Variants in PARN observed in about 807,000 individuals in gnomAD.
The protein encoded by PARN is poly(A)-specific ribonuclease.
PARN carries 71 observed loss-of-function variants against 102.8 expected under a neutral mutation model. That is an observed-to-expected ratio of 0.69 (90% CI 0.57 to 0.84). The LOEUF is 0.84. Among genes scored for constraint, PARN ranks in the 40% least tolerant of loss-of-function variants. PARN has a pLI of 0.00. For missense variants in PARN, 782 were observed against 760.9 expected, an observed-to-expected ratio of 1.03 and a Z score of -0.33; for synonymous variants, 261 against 252.9, an observed-to-expected ratio of 1.03 and a Z score of -0.30.
At chr16:14,544,963 G>A (rs1966871647) in intron 21 of PARN, among the ~76,000 whole-genome samples, 1 of 152,182 alleles carries the variant, frequency 6.6e-6, no homozygotes, top group African/African-American at 2.4e-5. Flanking sequence ...GAGGTGGGAG[G>A]ATTGCTTGAG....
chr16:14,538,551 A>C (rs528484848), intron 21 of PARN, among the ~76,000 whole-genome samples: 2 of 152,194 alleles, frequency 1.3e-5, no homozygotes, highest in Admixed American at 1.3e-4. Context: ...AGATTGATGT[A>C]CTTCAAATTT....
At chr16:14,550,883 G>A (rs943644850) in intron 21 of PARN, among the ~76,000 whole-genome samples, 8 of 151,800 alleles carry the variant, frequency 5.3e-5, no homozygotes, top group Admixed American at 1.3e-4. Flanking sequence ...AAAACAAAAC[G>A]TTTAATTGAT....
chr16:14,530,360 C>G (rs998957051), intron 21 of PARN, among the ~76,000 whole-genome samples: 1 of 152,154 alleles, frequency 6.6e-6, no homozygotes, highest in African/African-American at 2.4e-5. Context: ...ACACCCGCCA[C>G]AGTGCTTTGC....
At chr16:14,613,895 T>G (rs1250171260) in intron 6 of PARN, among the ~76,000 whole-genome samples, 3 of 152,116 alleles carry the variant, frequency 2.0e-5, no homozygotes, top group African/African-American at 7.2e-5. Context: ...GTCAACAGAT[T>G]GCTGAAATAG....
chr16:14,458,900 A>G (rs1199688516), intron 22 of PARN, among the ~76,000 whole-genome samples: 1 of 152,140 alleles, frequency 6.6e-6, no homozygotes, highest in Non-Finnish European at 1.5e-5. Flanking sequence ...AGGCGAAATG[A>G]GCTGACGAAA....
At chr16:14,622,500 T>C (rs958134000) in intron 5 of PARN, among the ~76,000 whole-genome samples, 1 of 152,134 alleles carries the variant, frequency 6.6e-6, no homozygotes, top group Non-Finnish European at 1.5e-5. Context: ...AATGTGAAAT[T>C]AGGATTCCAT....
intron 22 of PARN, among the ~76,000 whole-genome samples, chr16:14,470,075 T>A (rs946742330): frequency 1.3e-5 from 2 of 152,310 alleles, no homozygotes; most frequent in African/African-American, 2.4e-5. Context: ...GGTTATAACA[T>A]GAAGGTATAG....
intron 5 of PARN, among the ~76,000 whole-genome samples, chr16:14,618,461 T>C (rs1204666091): frequency 3.4e-5 from 5 of 145,934 alleles, no homozygotes; most frequent in African/African-American, 1.3e-4. Context: ...GCCACTGCAC[T>C]CCAGCCTGGG....
intron 22 of PARN, among the ~76,000 whole-genome samples, chr16:14,470,746 A>G (rs1369569201): frequency 6.6e-6 from 1 of 152,172 alleles, no homozygotes; most frequent in Non-Finnish European, 1.5e-5. Flanking sequence ...GGCATGAGGC[A>G]TCTGGCCTGG....
In PARN at chr16:14,599,840, T is replaced by G. The variant is rs1361083374; in HGVS notation, c.840+64A>C. ...AGATGAAATGATTAATCTGCAATGA[T>G]AATTAGATACTTCACCTGAAATAGT... On this transcript the variant is annotated intron_variant, in intron 12 of 23. Coordinates refer to ENST00000437198, the MANE Select transcript of PARN (RefSeq NM_002582.4). 7.4e-6 allele frequency: 7 copies of G among 949,856 alleles called. No individual in the cohort carries two copies. In the Admixed American group the frequency reaches 1.4e-4, roughly 20 times the overall value. The allele number at this position is 949,856 out of a possible 1,614,324, so 58.8% of individuals were successfully genotyped here. A position where few individuals can be genotyped will look rare whatever the true frequency, so the allele number is the denominator to read the frequency against.
At chr16:14,539,133 A>G (rs1317742235) in intron 21 of PARN, among the ~76,000 whole-genome samples, 1 of 152,226 alleles carries the variant, frequency 6.6e-6, no homozygotes. Flanking sequence ...TCCCAAAACC[A>G]TTCCCTACCC....
chr16:14,593,480 G>A (rs1319257549), intron 12 of PARN, 102 bp from the exon 13 acceptor site: 11 of 128,370 alleles, frequency 8.6e-5, no homozygotes, highest in Non-Finnish European at 1.3e-4. Flanking sequence ...TACTAAACTC[G>A]CTTTCCAGAC....
chr16:14,489,393 C>T (rs1034730180), intron 21 of PARN, among the ~76,000 whole-genome samples: 2 of 141,744 alleles, frequency 1.4e-5, no homozygotes, highest in Admixed American at 7.7e-5. Context: ...TGCAGTGAGC[C>T]GAGATCGTGC....
intron 5 of PARN, among the ~76,000 whole-genome samples, chr16:14,623,654 T>C (rs1368828719): frequency 2.6e-5 from 4 of 151,884 alleles, no homozygotes; most frequent in Non-Finnish European, 5.9e-5. Flanking sequence ...CTGACCAATA[T>C]GGTGAAACGC....
intron 13 of PARN, among the ~76,000 whole-genome samples, chr16:14,590,811 T>C (rs1970152621): frequency 6.6e-6 from 1 of 151,990 alleles, no homozygotes; most frequent in East Asian, 1.9e-4. Context: ...ACTCATGACG[T>C]CTGTATTGTA....
At chr16:14,619,130 G>A (rs2151811221) in intron 5 of PARN, among the ~76,000 whole-genome samples, 1 of 152,242 alleles carries the variant, frequency 6.6e-6, no homozygotes, top group African/African-American at 2.4e-5. Flanking sequence ...GGAAGGTGAG[G>A]AGGTTGAGGC....
chr16:14,570,661 A>G (rs568339618), intron 18 of PARN, among the ~76,000 whole-genome samples: 25 of 150,826 alleles, frequency 1.7e-4, no homozygotes, highest in South Asian at 8.4e-4. Context: ...AAAAAAAAAA[A>G]AGAGAAAAGA....
intron 21 of PARN, among the ~76,000 whole-genome samples, chr16:14,494,802 G>A (rs1208383876): frequency 6.6e-6 from 1 of 152,176 alleles, no homozygotes; most frequent in East Asian, 1.9e-4. Flanking sequence ...TAGGATGGAA[G>A]AGGTGGGGAC....
intron 16 of PARN, among the ~76,000 whole-genome samples, 177 bp downstream of exon 16, chr16:14,584,170 A>G (rs1394297657): frequency 6.6e-6 from 1 of 152,248 alleles, no homozygotes; most frequent in East Asian, 1.9e-4. Flanking sequence ...TATATGTAGA[A>G]TTAAAAGACC....
Sources: gnomAD v4.1 joint callset for allele counts (sites outside exome capture counted in the v4.1 genomes callset) on GRCh38, gnomAD v4.1.1 for gene constraint, MANE v1.5 for transcripts, NCBI Gene and HGNC (gene_info 2026-07-23, HGNC 2026-07-21) for gene names.